Variants in CHURC1 observed in about 807,000 individuals in gnomAD.
The protein encoded by CHURC1 is protein Churchill.
CHURC1 carries 12 observed loss-of-function variants against 15.4 expected under a neutral mutation model. That is an observed-to-expected ratio of 0.78 (90% CI 0.50 to 1.27). The LOEUF (loss-of-function observed/expected upper bound fraction) is 1.27, where lower values mean the gene tolerates loss of function less well. Ranked by LOEUF, CHURC1 falls within the 50% of genes most tolerant of loss-of-function variation. The pLI is 0.00. For missense variants in CHURC1, 132 were observed against 137.8 expected (o/e 0.96, Z 0.21); for synonymous variants, 42 against 47.5 (o/e 0.88, Z 0.48).
chr14:64,924,163 C>A, intron 2 of CHURC1, 37 bp downstream of exon 2: 1 of 1,570,072 alleles, frequency 6.4e-7, no homozygotes. Flanking sequence ...AGTGTGTTAG[C>A]AGGTGTCAGC....
intron 3 of CHURC1, among the ~76,000 whole-genome samples, chr14:64,927,065 T>G (rs1884762333): frequency 1.3e-5 from 2 of 152,150 alleles, no homozygotes; most frequent in South Asian, 4.1e-4. Context: ...CGAGAGAATT[T>G]TTTCAATTCC....
intron 1 of CHURC1, among the ~76,000 whole-genome samples, chr14:64,921,802 G>A (rs1423073794): frequency 6.6e-6 from 1 of 152,158 alleles, no homozygotes; most frequent in Non-Finnish European, 1.5e-5. Context: ...TTACCCAAGG[G>A]AAAGGAAGAC....
intron 1 of CHURC1, among the ~76,000 whole-genome samples, chr14:64,916,461 T>A (rs540819067): frequency 6.6e-6 from 1 of 152,348 alleles, no homozygotes; most frequent in Admixed American, 6.5e-5. Flanking sequence ...ACTATTTCAT[T>A]TTTTTAAAGT....
At position 64,934,857 on chromosome 14, in the gene CHURC1, A is replaced by G. The variant is rs1885252424; in HGVS notation, c.*2627A>G. 2.9e-5 allele frequency: 29 copies of G among 984,636 alleles called. No homozygotes were observed. The highest frequency in any genetic ancestry group is 4.7e-5 in the South Asian group (1 of 21,276). The allele number at this position is 984,636 out of a possible 1,614,324, so 61.0% of individuals were successfully genotyped here. ...TATAATTATCTATTTGTTTTGGACT[A>G]TATGTTACAAAAATTTAAAACATAA... On this transcript the variant is annotated 3_prime_UTR_variant, in exon 4 of 4. Transcript: ENST00000549115.
rs1885125389 is a variant in CHURC1, at chr14:64,932,322, T to C, written c.*92T>C. The C allele has an allele frequency of 2.0e-6, 3 of 1,536,298 alleles. No individual in the cohort carries two copies. Among genetic ancestry groups the C allele is most frequent in the Non-Finnish European group, 2.6e-6 (3 of 1,139,246 alleles). On this transcript the variant is annotated 3_prime_UTR_variant, in exon 4 of 4. Transcript: ENST00000549115. ...GTCTTATTTCATTCATACTGAAAAT[T>C]CTTTGCATATTTTTTTTCTGCTTAG...
intron 3 of CHURC1, among the ~76,000 whole-genome samples, chr14:64,928,387 A>G (rs778322022): frequency 5.9e-5 from 9 of 152,112 alleles, no homozygotes; most frequent in Admixed American, 2.0e-4. Flanking sequence ...AGCTGAGACT[A>G]CAGGCACTAG....
chr14:64,918,541 T>C (rs2139880855), intron 1 of CHURC1, among the ~76,000 whole-genome samples: 1 of 152,264 alleles, frequency 6.6e-6, no homozygotes, highest in Middle Eastern at 3.4e-3. Flanking sequence ...AATAAGAAGA[T>C]GGTGGGCCGG....
At chr14:64,924,338 T>TA (rs1414303616) in intron 2 of CHURC1, 1 of 464,058 alleles carries the variant, frequency 2.2e-6, no homozygotes, top group African/African-American at 2.0e-5. Flanking sequence ...AACTAAAGCT[T>TA]ACGATTCAGG....
chr14:64,918,881 G>A (rs570242367), intron 1 of CHURC1, among the ~76,000 whole-genome samples: 2 of 152,272 alleles, frequency 1.3e-5, no homozygotes, highest in South Asian at 4.1e-4. Flanking sequence ...AGCTCTAAGT[G>A]TAGAATGAGT....
At position 64,933,778 on chromosome 14, in the gene CHURC1, CAA is replaced by C; in HGVS notation, c.*1550_*1551del. On this transcript the variant is annotated 3_prime_UTR_variant, in exon 4 of 4. Transcript: ENST00000549115. ...AGGTCTTATAAGAACAAGAAATGAG[CAA>C]AGTGTTCATTGTAGATACTAGGGAA... is the stretch of plus-strand genomic sequence containing the variant. 8.1e-6 allele frequency: 8 copies of C among 985,246 alleles called. No homozygotes were observed. Among genetic ancestry groups the C allele is most frequent in the Non-Finnish European group, 9.6e-6 (8 of 829,890 alleles). The allele number at this position is 985,246 out of a possible 1,614,324, so 61.0% of individuals were successfully genotyped here.
Position 64,934,399 on chromosome 14 carries a change from T to A in CHURC1, c.*2169T>A, listed in dbSNP as rs1313081650. ...ACAAAAAAAGAAGTTAAATAACTTG[T>A]TTAAGATCACACAGCTAGTGCAGTT... On this transcript the variant is annotated 3_prime_UTR_variant, in exon 4 of 4. Coordinates refer to ENST00000549115, the MANE Select transcript of CHURC1 (RefSeq NM_001386928.1). The A allele has an allele frequency of 1.0e-6, 1 of 978,028 alleles. No homozygotes were observed. The highest frequency in any genetic ancestry group is 1.2e-6 in the Non-Finnish European group (1 of 823,406). 60.6% of individuals were successfully genotyped at this position (978,028 alleles called of 1,614,324 possible). A position where few individuals can be genotyped will look rare whatever the true frequency, so the allele number is the denominator to read the frequency against.
chr14:64,924,382 C>A, intron 2 of CHURC1: 1 of 279,424 alleles, frequency 3.6e-6, no homozygotes, highest in Non-Finnish European at 6.6e-6. Flanking sequence ...AATTATTTTT[C>A]ACGGACATAT....
intron 1 of CHURC1, among the ~76,000 whole-genome samples, chr14:64,922,231 T>TA (rs898367516): frequency 1.1e-4 from 16 of 152,230 alleles, no homozygotes; most frequent in African/African-American, 3.9e-4. Flanking sequence ...TGTATACCCT[T>TA]ACAGTGTGTG....
At chr14:64,921,504 A>G (rs1156595682) in intron 1 of CHURC1, among the ~76,000 whole-genome samples, 1 of 152,216 alleles carries the variant, frequency 6.6e-6, no homozygotes, top group African/African-American at 2.4e-5. Context: ...AAAATGGGCA[A>G]AAGACTTGAA....
chr14:64,924,232 G>T (rs535673805), intron 2 of CHURC1, 106 bp downstream of exon 2: 2 of 1,301,426 alleles, frequency 1.5e-6, no homozygotes, highest in Admixed American at 2.8e-5. Context: ...ATTGTATTGC[G>T]CACATAATTA....
rs749472938 is a variant in CHURC1 at position 64,914,553 on chromosome 14, C to A, written c.39+19C>A. ...CAACCGGGTGAGCGACTGGGCGCTC[C>A]CTTGGCCCGCGGGCGGCCCCCGAGG... On this transcript the variant is annotated intron_variant, in intron 1 of 3. Transcript: ENST00000549115. 3 of 1,614,074 alleles carry A rather than the reference C, an allele frequency of 1.9e-6. No homozygotes were observed. Among genetic ancestry groups the A allele is most frequent in the Non-Finnish European group, 2.5e-6 (3 of 1,179,910 alleles).
intron 3 of CHURC1, among the ~76,000 whole-genome samples, chr14:64,927,716 A>ACCCCCC (rs1172402751): frequency 9.8e-5 from 4 of 40,646 alleles, no homozygotes; most frequent in Admixed American, 2.5e-4. Context: ...TTCTCCCCCC[A>ACCCCCC]CCCCCCCCCC....
intron 1 of CHURC1, among the ~76,000 whole-genome samples, chr14:64,922,746 TCCTC>T (rs2139892696): frequency 6.9e-6 from 1 of 144,124 alleles, no homozygotes; most frequent in African/African-American, 2.8e-5. Flanking sequence ...ATTAATGTCT[TCCTC>T]AATACATAGA....
intron 3 of CHURC1, among the ~76,000 whole-genome samples, chr14:64,929,947 C>CA (rs111825864): frequency 0.1 from 15,412 of 151,184 alleles, 1,048 homozygotes; most frequent in South Asian, 0.24. Flanking sequence ...AAGCCCCCCC[C>CA]CACACACACA....
Sources: gnomAD v4.1 joint callset for allele counts (sites outside exome capture counted in the v4.1 genomes callset) on GRCh38, gnomAD v4.1.1 for gene constraint, MANE v1.5 for transcripts, NCBI Gene and HGNC (gene_info 2026-07-23, HGNC 2026-07-21) for gene names.